FHL3: variants seen among roughly 807,000 people sequenced by gnomAD.
FHL3 encodes the protein four and a half LIM domains protein 3.
Under a neutral mutation model 34.3 loss-of-function variants are expected in FHL3, and 21 were observed. The observed-to-expected ratio is 0.61, with a 90% CI of 0.43 to 0.88. The LOEUF (loss-of-function observed/expected upper bound fraction) is 0.88. Ranked by LOEUF, FHL3 falls within the 40% of genes least tolerant of loss-of-function variation. FHL3 has a pLI of 0.00. For missense variants in FHL3, 333 were observed against 373.7 expected, an observed-to-expected ratio of 0.89 and a Z score of 0.90; for synonymous variants, 137 against 144.6, an observed-to-expected ratio of 0.95 and a Z score of 0.38.
In FHL3 at chr1:37,997,940, C is replaced by T; in HGVS notation, c.501+23G>A. ...CCCCACAACAGGCCTCACTCACCCC[C>T]ACCTGGCTGGCCCAGCCCCCACCTT... On this transcript the variant is annotated intron_variant, in intron 4 of 5. Transcript: ENST00000373016. The surrounding 1 kb of genome is among the most constrained non-coding windows in gnomAD (Gnocchi z 4.3). 5 of 1,613,872 alleles carry T rather than the reference C, an allele frequency of 3.1e-6. No individual in the cohort carries two copies. In the South Asian group the frequency reaches 5.5e-5, roughly 18 times the overall value.
At chr1:37,999,838 C>T (rs1460374462) in intron 1 of FHL3, among the ~76,000 whole-genome samples, 1 of 152,198 alleles carries the variant, frequency 6.6e-6, no homozygotes, top group Non-Finnish European at 1.5e-5. Flanking sequence ...GTACTCCCAC[C>T]CTCTCCTGAC....
Position 37,997,370 on chromosome 1 carries a change from GTGGTATGGGAAAGCC to G in FHL3, c.*20_*34del, listed in dbSNP as rs60463261. The G allele has an allele frequency of 3.7e-3, 5,924 of 1,602,356 alleles. 181 individuals carry two copies. The African/African-American group carries it at 0.067, about 18-fold the overall frequency. ...GAAAAGGAGCCACAGTCCTGGGCCC[GTGGTATGGGAAAGCC>G]TGGGTCCAGGAGCCCTGGCTTAGGG... On this transcript the variant is annotated 3_prime_UTR_variant, in exon 6 of 6. Coordinates refer to ENST00000373016, the MANE Select transcript of FHL3 (RefSeq NM_004468.5). This position sits in a 1 kb window ranked among gnomAD's most constrained non-coding sequence, Gnocchi z 4.3.
chr1:37,997,941 A>C lies in FHL3; in HGVS notation c.501+22T>G. On this transcript the variant is annotated intron_variant, in intron 4 of 5. Coordinates refer to ENST00000373016, the MANE Select transcript of FHL3 (RefSeq NM_004468.5). The surrounding 1 kb of genome is among the most constrained non-coding windows in gnomAD (Gnocchi z 4.3). Reference sequence around the variant, plus strand: ...CCCACAACAGGCCTCACTCACCCCCACCTGGCTGGCCCAGCCCCCACCTTG... The same window carrying C: ...CCCACAACAGGCCTCACTCACCCCCCCCTGGCTGGCCCAGCCCCCACCTTG... The C allele has an allele frequency of 6.2e-7, 1 of 1,613,732 alleles. No homozygotes were observed.
chr1:38,004,833 G>C (rs1402658126), intron 1 of FHL3, among the ~76,000 whole-genome samples: 1 of 152,176 alleles, frequency 6.6e-6, no homozygotes, highest in Non-Finnish European at 1.5e-5. Context: ...AAGGCCCGGG[G>C]AAGGGCCCTA....
Position 37,997,600 on chromosome 1 carries a change from G to T in FHL3, c.689-41C>A. 6.2e-7 allele frequency: 1 copy of T among 1,612,970 alleles called. No individual in the cohort carries two copies. The highest frequency in any genetic ancestry group is 8.5e-7 in the Non-Finnish European group (1 of 1,179,330). On this transcript the variant is annotated intron_variant, in intron 5 of 5. Coordinates refer to ENST00000373016, the MANE Select transcript of FHL3 (RefSeq NM_004468.5). This position sits in a 1 kb window ranked among gnomAD's most constrained non-coding sequence, Gnocchi z 4.3. ...AAGTTAGCTATGCAGATGTGGGGATGGTCCGGCCCTCAACCTCACCCAATA... is the reference window on the plus strand; with the variant it reads ...AAGTTAGCTATGCAGATGTGGGGATTGTCCGGCCCTCAACCTCACCCAATA...
chr1:37,999,347 T>C lies in FHL3; in HGVS notation c.66A>G (p.Thr22=). Residue 22 remains threonine (T), a synonymous_variant, in exon 2 of 6, where the codon ACA becomes ACG. Coordinates refer to ENST00000373016, the MANE Select transcript of FHL3 (RefSeq NM_004468.5). ...ESLYGRKYIQ[T]DSGPYCVPCY... is the part of the protein sequence containing the mutation. ...AGGGCACACAGTAGGGGCCGCTGTC[T>C]GTCTGGATGTACTTGCGTCCATACA... 6.2e-7 allele frequency: 1 copy of C among 1,614,260 alleles called. No homozygotes were observed. Among genetic ancestry groups the C allele is most frequent in the Non-Finnish European group, 8.5e-7 (1 of 1,180,042 alleles).
At position 37,997,085 on chromosome 1, in the gene FHL3, A is replaced by C; in HGVS notation, c.*320T>G. 1 of 259,172 alleles carries C rather than the reference A, an allele frequency of 3.9e-6. No homozygotes were observed. Among genetic ancestry groups the C allele is most frequent in the African/African-American group, 2.2e-5 (1 of 44,580 alleles). The allele number at this position is 259,172 out of a possible 1,614,324, so 16.1% of individuals were successfully genotyped here. On this transcript the variant is annotated 3_prime_UTR_variant, in exon 6 of 6. Transcript: ENST00000373016. The surrounding 1 kb of genome is among the most constrained non-coding windows in gnomAD (Gnocchi z 4.3). ...TAAGGGGGCCTAAGTCCCAGAGTCC[A>C]GGTTTGGAGGGCTCGGGTCTAGAGC...
At position 37,997,858 on chromosome 1, in the gene FHL3, CCT is replaced by C; in HGVS notation, c.512_513del (p.Gln171ArgfsTer7). On this transcript the variant is annotated frameshift_variant, in exon 5 of 6. Transcript: ENST00000373016. LOFTEE classifies it high-confidence loss of function. This position sits in a 1 kb window ranked among gnomAD's most constrained non-coding sequence, Gnocchi z 4.3. ...GGCTGATCACGGTATGTCACTCCAC[CCT>C]GTGTCAGCGTCTGTGGGGGCAGCAT... is the stretch of plus-strand genomic sequence containing the variant. Reference protein sequence around the residue: ...RCARCSKTLTQGGVTYRDQPW... With the variant: ...RCARCSKTLTXGGVTYRDQPW... The C allele has an allele frequency of 6.2e-7, 1 of 1,613,758 alleles. No individual in the cohort carries two copies. Among genetic ancestry groups the C allele is most frequent in the Non-Finnish European group, 8.5e-7 (1 of 1,179,716 alleles).
chr1:37,998,033 T>C lies in FHL3; in HGVS notation c.431A>G (p.Asp144Gly). The change falls in exon 4 of 6, where the codon GAC becomes GGC. Residue 144 changes from aspartate (D) to glycine (G), a missense_variant. Asp to Gly is a moderately conservative substitution (Grantham distance 94). Transcript: ENST00000373016. The part of the protein sequence containing the change: ...QPLGSRSFVP[D>G]KGAHYCVPCY... ...GGGCACGCAGTAGTGAGCACCCTTG[T>C]CGGGCACAAAAGAACGGGAGCCCAG... The C allele has an allele frequency of 1.2e-6, 2 of 1,614,086 alleles. No individual in the cohort carries two copies. The highest frequency in any genetic ancestry group is 1.7e-6 in the Non-Finnish European group (2 of 1,179,988).
rs371636908 is a variant in FHL3 at position 37,997,900 on chromosome 1, G to A, written c.502-30C>T. ...GGGGGCAGCATCCATTAGTAGGTAT[G>A]AGTGGGGATTCCCACCCCACAACAG... On this transcript the variant is annotated intron_variant, in intron 4 of 5. Coordinates refer to ENST00000373016, the MANE Select transcript of FHL3 (RefSeq NM_004468.5). The surrounding 1 kb of genome is among the most constrained non-coding windows in gnomAD (Gnocchi z 4.3). 5.8e-5 allele frequency: 93 copies of A among 1,613,478 alleles called. No homozygotes were observed. The highest frequency in any genetic ancestry group is 7.0e-5 in the Non-Finnish European group (83 of 1,179,666).
intron 3 of FHL3, among the ~76,000 whole-genome samples, chr1:37,998,507 T>A (rs1267995508): frequency 6.6e-6 from 1 of 152,126 alleles, no homozygotes; most frequent in Non-Finnish European, 1.5e-5. Flanking sequence ...CAAGTAAGTA[T>A]CTGCCCACAC....
At chr1:37,998,239 G>A in intron 3 of FHL3, 107 bp from the exon 4 acceptor site, 1 of 995,776 alleles carries the variant, frequency 1.0e-6, no homozygotes, top group Non-Finnish European at 1.5e-6. Flanking sequence ...TGAGCAGGGT[G>A]GTGTCCGTGC....
rs1292778408 is a variant in FHL3 at position 38,005,424 on chromosome 1, C to G, written c.-88G>C. 1 of 149,630 alleles carries G rather than the reference C, an allele frequency of 6.7e-6. No homozygotes were observed. Among genetic ancestry groups the G allele is most frequent in the Non-Finnish European group, 1.5e-5 (1 of 66,910 alleles). The allele number at this position is 149,630 out of a possible 1,614,324, so 9.3% of individuals were successfully genotyped here. A position where few individuals can be genotyped will look rare whatever the true frequency, so the allele number is the denominator to read the frequency against. ...GGGCCGGGAACCGGGCGCCGCGTCC[C>G]TCGGCGGCTCCTACCTGCGGGCCGG... On this transcript the variant is annotated 5_prime_UTR_variant, in exon 1 of 6. Transcript: ENST00000373016.
intron 3 of FHL3, among the ~76,000 whole-genome samples, chr1:37,998,562 C>T (rs1046449000): frequency 6.6e-6 from 1 of 152,128 alleles, no homozygotes; most frequent in Non-Finnish European, 1.5e-5. Flanking sequence ...ACATGCTAAG[C>T]CCTCGCATCT....
At chr1:38,000,256 G>A (rs532213502) in intron 1 of FHL3, among the ~76,000 whole-genome samples, 2 of 152,292 alleles carry the variant, frequency 1.3e-5, no homozygotes, top group African/African-American at 2.4e-5. Context: ...GCAATGGGGA[G>A]AAAAAAGGAA....
At chr1:37,998,740 G>A (rs1557762035) in intron 3 of FHL3, 3 of 551,202 alleles carry the variant, frequency 5.4e-6, no homozygotes, top group Non-Finnish European at 9.8e-6. Context: ...TACTAAACAT[G>A]CAGATATTCA....
chr1:37,999,517 C>T, intron 1 of FHL3, 85 bp from the exon 2 acceptor site: 2 of 1,308,720 alleles, frequency 1.5e-6, no homozygotes, highest in East Asian at 2.4e-5. Flanking sequence ...ATTCAAAACA[C>T]AGCCAAGAGA....
Position 38,005,505 on chromosome 1 carries a change from G to A in FHL3, c.-169C>T, listed in dbSNP as rs1557765518. The A allele has an allele frequency of 2.7e-5, 4 of 150,362 alleles. No individual in the cohort carries two copies. The highest frequency in any genetic ancestry group is 6.0e-5 in the Non-Finnish European group (4 of 67,184). The allele number at this position is 150,362 out of a possible 1,614,324, so 9.3% of individuals were successfully genotyped here. A position where few individuals can be genotyped will look rare whatever the true frequency, so the allele number is the denominator to read the frequency against. On this transcript the variant is annotated 5_prime_UTR_variant, in exon 1 of 6. Coordinates refer to ENST00000373016, the MANE Select transcript of FHL3 (RefSeq NM_004468.5). ...AGGCTGCCGACTGCAGACGGACCGT[G>A]TGGGCGAGTGGGAGCGCGGCCCCAA...
chr1:38,003,928 C>A (rs1646619275), intron 1 of FHL3, among the ~76,000 whole-genome samples: 1 of 152,164 alleles, frequency 6.6e-6, no homozygotes. Context: ...TCCAATGCCC[C>A]ATGCCAACCA....
Sources: allele counts gnomAD v4.1 joint callset (sites outside exome capture counted in the v4.1 genomes callset), GRCh38; gene constraint gnomAD v4.1.1; non-coding constraint Gnocchi (gnomAD v3.1); transcripts MANE v1.5; gene names NCBI Gene and HGNC (gene_info 2026-07-23, HGNC 2026-07-21).